Variants in CYP4F22 observed in about 807,000 individuals in gnomAD.
CYP4F22 encodes cytochrome P450 family 4 subfamily F member 22.
Under a neutral mutation model 60.4 loss-of-function variants are expected in CYP4F22, and 37 were observed. That is an observed-to-expected ratio of 0.61 (90% confidence interval 0.47 to 0.81). The LOEUF is 0.81. Among genes scored for constraint, CYP4F22 ranks in the 30% least tolerant of loss-of-function variants. CYP4F22 has a pLI of 0.00. For synonymous variants in CYP4F22, 258 were observed against 280.5 expected, an observed-to-expected ratio of 0.92 and a Z score of 0.80; for missense variants, 655 against 715.0, an observed-to-expected ratio of 0.92 and a Z score of 0.96.
intron 1 of CYP4F22, chr19:15,515,390 C>T: frequency 8.1e-7 from 1 of 1,241,134 alleles, no homozygotes; most frequent in Admixed American, 1.7e-5. Flanking sequence ...CTTGGCATCT[C>T]TGTACTTTGT....
chr19:15,527,351 C>T (rs1333416075), intron 3 of CYP4F22, among the ~76,000 whole-genome samples: 1 of 152,168 alleles, frequency 6.6e-6, no homozygotes, highest in African/African-American at 2.4e-5. Context: ...TCCACCATCC[C>T]TCCCTAGCTC....
intron 4 of CYP4F22, among the ~76,000 whole-genome samples, chr19:15,533,308 T>C (rs1027182227): frequency 1.3e-5 from 2 of 152,196 alleles, no homozygotes; most frequent in Non-Finnish European, 2.9e-5. Flanking sequence ...CAGTGGTATT[T>C]AGTGTATTCA....
At chr19:15,536,391 G>T (rs1273527) in intron 4 of CYP4F22, among the ~76,000 whole-genome samples, 26 of 151,984 alleles carry the variant, frequency 1.7e-4, no homozygotes, top group African/African-American at 5.3e-4. Context: ...CGTCGAATAG[G>T]GGGTGGAAGA....
intron 1 of CYP4F22, among the ~76,000 whole-genome samples, chr19:15,513,586 G>A (rs952580793): frequency 2.0e-4 from 30 of 151,854 alleles, no homozygotes; most frequent in East Asian, 1.9e-4. Context: ...GGATGGTCTC[G>A]ATCTCCTGAC....
intron 7 of CYP4F22, among the ~76,000 whole-genome samples, chr19:15,538,661 A>G (rs1971426580): frequency 6.6e-6 from 1 of 152,220 alleles, no homozygotes; most frequent in South Asian, 2.1e-4. Flanking sequence ...AAAACTTGCA[A>G]CACATAGTAG....
intron 1 of CYP4F22, chr19:15,516,836 T>A: frequency 1.4e-4 from 15 of 106,892 alleles, no homozygotes; most frequent in Non-Finnish European, 2.5e-4. Context: ...GATGTTATTC[T>A]TTTTTTTTTT....
chr19:15,534,250 T>C lies in CYP4F22; in HGVS notation c.368-3111T>C, dbSNP rs138891686. Among the ~76,000 whole-genome samples, 84 of 152,250 alleles carry C rather than the reference T, an allele frequency of 5.5e-4. No individual in the cohort carries two copies. In the East Asian group the frequency reaches 0.015, roughly 28 times the overall value. ...CTTATAGGGATGCCATGAGGCAAGATTGTTCTATTTTCTCCTTTGGCAGTG... is the reference window on the plus strand; with the variant it reads ...CTTATAGGGATGCCATGAGGCAAGACTGTTCTATTTTCTCCTTTGGCAGTG... On this transcript the variant is annotated intron_variant, in intron 4 of 13. Coordinates refer to ENST00000269703, the MANE Select transcript of CYP4F22 (RefSeq NM_173483.4).
chr19:15,515,522 C>G (rs2036995956), intron 1 of CYP4F22: 5 of 633,168 alleles, frequency 7.9e-6, no homozygotes, highest in South Asian at 7.0e-5. Context: ...GTCAGGAGTT[C>G]AAGACCAGCC....
In CYP4F22 at chr19:15,524,409, G is replaced by A. The variant is rs150787805; in HGVS notation, c.-2+610G>A. On this transcript the variant is annotated intron_variant, in intron 2 of 13. Coordinates refer to ENST00000269703, the MANE Select transcript of CYP4F22 (RefSeq NM_173483.4). The stretch of plus-strand genomic sequence containing the variant: ...TCATGCGTGTAATCCCAGCACTTTG[G>A]GAGGCCAAGGCGGGAGGATCGCTTG... Among the ~76,000 whole-genome samples, 1,158 of 152,264 alleles carry A rather than the reference G, an allele frequency of 7.6e-3. 21 individuals carry two copies. The highest frequency in any genetic ancestry group is 0.025 in the African/African-American group (1,050 of 41,548).
intron 10 of CYP4F22, among the ~76,000 whole-genome samples, chr19:15,544,555 T>C (rs1249818699): frequency 3.3e-5 from 5 of 152,232 alleles, no homozygotes; most frequent in Non-Finnish European, 7.3e-5. Context: ...ATTTGTTTCT[T>C]GCTTTTGTAT....
rs1221663078 is a variant in CYP4F22, at chr19:15,552,107, C to T, written c.*636C>T. On this transcript the variant is annotated 3_prime_UTR_variant, in exon 14 of 14. Transcript: ENST00000269703. ...CCCTTGTAAGCCCCTTCCTTCCTCCCTTGCCCAAAGATCCTTTGCTGAGTG... is the reference window on the plus strand; with the variant it reads ...CCCTTGTAAGCCCCTTCCTTCCTCCTTTGCCCAAAGATCCTTTGCTGAGTG... 4 of 152,516 alleles carry T rather than the reference C, an allele frequency of 2.6e-5. No individual in the cohort carries two copies. The highest frequency in any genetic ancestry group is 7.2e-5 in the African/African-American group (3 of 41,430). The allele number at this position is 152,516 out of a possible 1,614,324, so 9.4% of individuals were successfully genotyped here. A position where few individuals can be genotyped will look rare whatever the true frequency, so the allele number is the denominator to read the frequency against.
intron 10 of CYP4F22, among the ~76,000 whole-genome samples, chr19:15,547,836 A>G (rs1490076831): frequency 2.0e-5 from 3 of 151,642 alleles, no homozygotes; most frequent in African/African-American, 7.3e-5. Context: ...AAAAAAAAAG[A>G]AAGAAAAAGG....
At chr19:15,536,944 T>C (rs988546802) in intron 4 of CYP4F22, among the ~76,000 whole-genome samples, 16 of 152,016 alleles carry the variant, frequency 1.1e-4, no homozygotes, top group African/African-American at 3.4e-4. Flanking sequence ...GTGAATACAG[T>C]GGGAGGTTGG....
At position 15,551,473 on chromosome 19, in the gene CYP4F22, C is replaced by A. The variant is rs1457816676; in HGVS notation, c.*2C>A. The A allele has an allele frequency of 1.9e-6, 3 of 1,553,914 alleles. No individual in the cohort carries two copies. The highest frequency in any genetic ancestry group is 2.7e-5 in the African/African-American group (2 of 73,078). On this transcript the variant is annotated 3_prime_UTR_variant, in exon 14 of 14. Transcript: ENST00000269703. ...GAGCCGCTGCCTCCGCGGGCCTGAG[C>A]GTGGGCGCGCCCCTGCGGCTCCCGA... is the stretch of plus-strand genomic sequence containing the variant.
chr19:15,541,271 A>G (rs1971459234), intron 8 of CYP4F22, among the ~76,000 whole-genome samples: 1 of 152,200 alleles, frequency 6.6e-6, no homozygotes, highest in African/African-American at 2.4e-5. Context: ...TCCAAGATCA[A>G]GGTATCTGCA....
rs149500476 is a variant in CYP4F22 at position 15,544,021 on chromosome 19, C to T, written c.990C>T (p.Asp330=). The T allele has an allele frequency of 2.2e-5, 35 of 1,613,988 alleles. No homozygotes were observed. Among genetic ancestry groups the T allele is most frequent in the Non-Finnish European group, 2.8e-5 (33 of 1,180,030 alleles). ...LSDEDIRAEA[D]TFMFEGHDTT... ...ACGAGGATATCCGAGCCGAAGCAGACACCTTCATGTTTGAGGGTGAGGATG... is the reference window on the plus strand; with the variant it reads ...ACGAGGATATCCGAGCCGAAGCAGATACCTTCATGTTTGAGGGTGAGGATG... Residue 330 remains aspartate, a synonymous_variant, in exon 9 of 14, where the codon GAC becomes GAT. Transcript: ENST00000269703.
At chr19:15,540,285 A>G (rs1971442101) in intron 7 of CYP4F22, among the ~76,000 whole-genome samples, 165 bp from the exon 8 acceptor site, 1 of 152,140 alleles carries the variant, frequency 6.6e-6, no homozygotes, top group African/African-American at 2.4e-5. Context: ...GTGACAGAGC[A>G]AGACCCTATC....
chr19:15,516,781 C>A, intron 1 of CYP4F22: 1 of 580,828 alleles, frequency 1.7e-6, no homozygotes, highest in Non-Finnish European at 2.8e-6. Flanking sequence ...AGTCCACTTG[C>A]TCAGAGGATC....
chr19:15,547,018 G>GTTTTT lies in CYP4F22; in HGVS notation c.1137-1072_1137-1068dup, dbSNP rs71176432. ...GAGCCACCATGCCTGGCCTGCACCA[G>GTTTTT]TTTTTTTTTTTTTTTTTTTTTTAAG... On this transcript the variant is annotated intron_variant, in intron 10 of 13. Transcript: ENST00000269703. Among the ~76,000 whole-genome samples, 807 of 82,294 alleles carry GTTTTT rather than the reference G, an allele frequency of 9.8e-3. 64 individuals are homozygous for GTTTTT. The highest frequency in any genetic ancestry group is 0.037 in the African/African-American group (649 of 17,574). The allele number at this position is 82,294 out of a possible 152,430, so 54.0% of individuals were successfully genotyped here.
Sources: gnomAD v4.1 joint callset for allele counts (sites outside exome capture counted in the v4.1 genomes callset) on GRCh38, gnomAD v4.1.1 for gene constraint, MANE v1.5 for transcripts, NCBI Gene and HGNC (gene_info 2026-07-23, HGNC 2026-07-21) for gene names.